FLYWCH2: variants seen among roughly 807,000 people sequenced by gnomAD.
FLYWCH2 encodes FLYWCH family member 2.
Under a neutral mutation model 6.0 loss-of-function variants are expected in FLYWCH2, and 2 were observed. That is an observed-to-expected ratio of 0.33 (90% CI 0.14 to 1.04). The LOEUF (loss-of-function observed/expected upper bound fraction) is 1.04. Among genes scored for constraint, FLYWCH2 ranks in the 50% least tolerant of loss-of-function variants. The pLI is 0.45. For synonymous variants in FLYWCH2, 87 were observed against 79.3 expected (o/e 1.10, Z -0.52); for missense variants, 192 against 183.4 (o/e 1.05, Z -0.27).
In FLYWCH2 at chr16:2,892,713, G is replaced by A. The variant is rs568158673; in HGVS notation, c.-199-2507G>A. 1.5e-3 allele frequency among the ~76,000 whole-genome samples: 222 copies of A among 151,004 alleles called. 1 individual carries two copies. The highest frequency in any genetic ancestry group is 5.4e-3 in the South Asian group (26 of 4,788). ...ATAAAAATTAGGAGAGCATGGTGGC[G>A]TGTGCCTGTAGTCCCAGCTATGTGG... On this transcript the variant is annotated intron_variant, in intron 1 of 3. Transcript: ENST00000396958.
chr16:2,890,238 T>TTTTG (rs1394245901), intron 1 of FLYWCH2, among the ~76,000 whole-genome samples: 6 of 128,176 alleles, frequency 4.7e-5, no homozygotes, highest in African/African-American at 1.5e-4. Flanking sequence ...GTTTTTTTTT[T>TTTTG]TTTGTTTTTG....
intron 2 of FLYWCH2, 44 bp from the exon 3 acceptor site, chr16:2,896,308 C>T (rs2150850649): frequency 4.4e-6 from 5 of 1,135,620 alleles, no homozygotes; most frequent in Non-Finnish European, 6.0e-6. Flanking sequence ...TCTAGAGCCT[C>T]CCAAGGGCTT....
At chr16:2,884,570 A>AAAAAAAAAAAAAAC (rs1281848146) in intron 1 of FLYWCH2, among the ~76,000 whole-genome samples, 1 of 146,662 alleles carries the variant, frequency 6.8e-6, no homozygotes, top group African/African-American at 2.5e-5. Flanking sequence ...AAAAAAAAAA[A>AAAAAAAAAAAAAAC]AAAAAAATAC....
At position 2,896,432 on chromosome 16, in the gene FLYWCH2, C is replaced by G. The variant is rs2285824; in HGVS notation, c.-18C>G. 1.3e-6 allele frequency: 2 copies of G among 1,596,318 alleles called. No individual in the cohort carries two copies. Among genetic ancestry groups the G allele is most frequent in the Non-Finnish European group, 8.5e-7 (1 of 1,171,740 alleles). On this transcript the variant is annotated 5_prime_UTR_variant, in exon 3 of 4. Coordinates refer to ENST00000396958, the MANE Select transcript of FLYWCH2 (RefSeq NM_138439.3). ...TGGGGGCTGAGTGTGGCCTGAGGGA[C>G]AGGCCCTGGGTCCCGGGATGCCCCT...
At chr16:2,887,315 T>A (rs2069709701) in intron 1 of FLYWCH2, among the ~76,000 whole-genome samples, 1 of 43,166 alleles carries the variant, frequency 2.3e-5, no homozygotes, top group Non-Finnish European at 7.1e-5. Flanking sequence ...CCGGCTTTCT[T>A]TTTTTTTTTT....
intron 1 of FLYWCH2, among the ~76,000 whole-genome samples, chr16:2,886,471 G>C (rs935798894): frequency 2.0e-5 from 3 of 147,374 alleles, no homozygotes; most frequent in African/African-American, 7.8e-5. Flanking sequence ...GCCTCCCTAA[G>C]TGCTGGGATT....
intron 1 of FLYWCH2, among the ~76,000 whole-genome samples, chr16:2,883,605 A>C (rs1177678255): frequency 6.7e-6 from 1 of 149,666 alleles, no homozygotes; most frequent in Non-Finnish European, 1.5e-5. Context: ...GGAGGTCCGC[A>C]CTCGCCCGCC....
chr16:2,888,130 T>G (rs971255195), intron 1 of FLYWCH2, among the ~76,000 whole-genome samples: 1 of 152,080 alleles, frequency 6.6e-6, no homozygotes, highest in Non-Finnish European at 1.5e-5. Context: ...TGCCTCAGCC[T>G]TCCGAGTAGC....
chr16:2,896,287 C>A (rs1273552932), intron 2 of FLYWCH2, 65 bp from the exon 3 acceptor site: 7 of 910,566 alleles, frequency 7.7e-6, no homozygotes. Flanking sequence ...CACCTCCCTC[C>A]CAGATCCACG....
rs114994436 is a variant in FLYWCH2, at chr16:2,890,940, A to G, written c.-199-4280A>G. Among the ~76,000 whole-genome samples the G allele has an allele frequency of 7.9e-3, 1,200 of 152,300 alleles. 16 individuals are homozygous for G. The highest frequency in any genetic ancestry group is 0.027 in the African/African-American group (1,129 of 41,570). On this transcript the variant is annotated intron_variant, in intron 1 of 3. Coordinates refer to ENST00000396958, the MANE Select transcript of FLYWCH2 (RefSeq NM_138439.3). ...AGGGGACTTAAGCTCCATTTCCTGGAGGGGGAAGTGTCCGCACATACTGTT... is the reference window on the plus strand; with the variant it reads ...AGGGGACTTAAGCTCCATTTCCTGGGGGGGGAAGTGTCCGCACATACTGTT...
chr16:2,893,860 G>C (rs928985664), intron 1 of FLYWCH2, among the ~76,000 whole-genome samples: 1 of 151,780 alleles, frequency 6.6e-6, no homozygotes, highest in African/African-American at 2.4e-5. Flanking sequence ...GGATGGTCTC[G>C]ATCTCCTGAC....
chr16:2,899,268 C>CT lies in FLYWCH2; in HGVS notation c.*136dup, dbSNP rs76446842. The CT allele has an allele frequency of 0.17, 70,596 of 421,656 alleles. 1,632 individuals carry two copies. Among genetic ancestry groups the CT allele is most frequent in the Non-Finnish European group, 0.19 (46,663 of 242,814 alleles). The allele number at this position is 421,656 out of a possible 1,614,324, so 26.1% of individuals were successfully genotyped here. A position where few individuals can be genotyped will look rare whatever the true frequency, so the allele number is the denominator to read the frequency against. On this transcript the variant is annotated 3_prime_UTR_variant, in exon 4 of 4. Transcript: ENST00000396958. ...CTTTTAACATTGTGTGATTTCTTTT[C>CT]TTTTTTTTTTTTTTTTTAGATCAAG...
intron 1 of FLYWCH2, among the ~76,000 whole-genome samples, chr16:2,892,908 A>T (rs200062135): frequency 2.1e-4 from 18 of 85,358 alleles, no homozygotes; most frequent in African/African-American, 6.9e-4. Context: ...ATGTCATATA[A>T]TATATATTAT....
At chr16:2,892,992 TATATAC>T (rs200779182) in intron 1 of FLYWCH2, among the ~76,000 whole-genome samples, 9,892 of 134,960 alleles carry the variant, frequency 0.073, 464 homozygotes, top group Non-Finnish European at 0.1. Flanking sequence ...ATATGTCACA[TATATAC>T]ATATATTTTA....
At position 2,885,156 on chromosome 16, in the gene FLYWCH2, A is replaced by T. The variant is rs545432355; in HGVS notation, c.-200+1790A>T. Among the ~76,000 whole-genome samples the T allele has an allele frequency of 1.1e-4, 16 of 152,212 alleles. 1 individual carries two copies. The East Asian group carries it at 1.6e-3, about 15-fold the overall frequency. ...GCTAACACGGTGAAACCCCGTCTCT[A>T]CTAAAAATACAAAAAATTAGCCAGG... On this transcript the variant is annotated intron_variant, in intron 1 of 3. Coordinates refer to ENST00000396958, the MANE Select transcript of FLYWCH2 (RefSeq NM_138439.3).
rs781264432 is a variant in FLYWCH2 at position 2,896,426 on chromosome 16, G to C, written c.-24G>C. On this transcript the variant is annotated 5_prime_UTR_variant, in exon 3 of 4. Coordinates refer to ENST00000396958, the MANE Select transcript of FLYWCH2 (RefSeq NM_138439.3). ...ACCTGCTGGGGGCTGAGTGTGGCCT[G>C]AGGGACAGGCCCTGGGTCCCGGGAT... The C allele has an allele frequency of 3.1e-6, 5 of 1,592,572 alleles. No homozygotes were observed. Among genetic ancestry groups the C allele is most frequent in the Middle Eastern group, 1.7e-4 (1 of 5,730 alleles).
chr16:2,884,571 A>AAAAAAAAAAAAAAC (rs1567301732), intron 1 of FLYWCH2, among the ~76,000 whole-genome samples: 1 of 144,542 alleles, frequency 6.9e-6, no homozygotes, highest in African/African-American at 2.6e-5. Context: ...AAAAAAAAAA[A>AAAAAAAAAAAAAAC]AAAAAATACA....
chr16:2,892,309 A>C (rs2069766848), intron 1 of FLYWCH2, among the ~76,000 whole-genome samples: 1 of 151,690 alleles, frequency 6.6e-6, no homozygotes, highest in South Asian at 2.1e-4. Context: ...AGCTTGGCCA[A>C]CATGGTGAAA....
intron 1 of FLYWCH2, among the ~76,000 whole-genome samples, chr16:2,894,211 G>C (rs921223340): frequency 6.6e-6 from 1 of 152,126 alleles, no homozygotes; most frequent in African/African-American, 2.4e-5. Context: ...GCCTTGTGGG[G>C]ACCAACTGCT....
Sources: gnomAD v4.1 joint callset for allele counts (sites outside exome capture counted in the v4.1 genomes callset) on GRCh38, gnomAD v4.1.1 for gene constraint, MANE v1.5 for transcripts, NCBI Gene and HGNC (gene_info 2026-07-23, HGNC 2026-07-21) for gene names.